UQCC1: variants seen among roughly 807,000 people sequenced by gnomAD.
UQCC1 encodes the protein bFGF-repressed Zic-binding protein.
In UQCC1, 38 loss-of-function variants were observed where a neutral mutation model predicts 48.0. The ratio of observed to expected loss-of-function variants is 0.79; its 90% CI spans 0.61 to 1.04. UQCC1 has a LOEUF of 1.04. UQCC1 is among the 50% of genes least tolerant of loss of function. The probability of loss-of-function intolerance (pLI) is 0.00; values close to 1 mark genes in which losing one functional copy is unlikely to be tolerated. For synonymous variants in UQCC1, 111 were observed against 129.2 expected (o/e 0.86, Z 0.95); for missense variants, 368 against 381.8 (o/e 0.96, Z 0.30).
intron 7 of UQCC1, among the ~76,000 whole-genome samples, chr20:35,321,283 TGCGCGCGCGCGC>T (rs60488465): frequency 7.1e-6 from 1 of 141,536 alleles, no homozygotes; most frequent in African/African-American, 2.9e-5. Context: ...TGTGTGTGTG[TGCGCGCGCGCGC>T]GCGCACGCTC....
chr20:35,355,453 T>C (rs2061536465), intron 6 of UQCC1, among the ~76,000 whole-genome samples: 1 of 152,192 alleles, frequency 6.6e-6, no homozygotes, highest in Non-Finnish European at 1.5e-5. Context: ...GAATCGAATT[T>C]ACTAGGTAGT....
intron 6 of UQCC1, among the ~76,000 whole-genome samples, chr20:35,351,797 C>T (rs1227190564): frequency 6.6e-6 from 1 of 152,172 alleles, no homozygotes; most frequent in African/African-American, 2.4e-5. Context: ...TGTTCTATAG[C>T]CCTTACAGAT....
chr20:35,375,400 T>C (rs2061784457), intron 4 of UQCC1, among the ~76,000 whole-genome samples: 1 of 152,190 alleles, frequency 6.6e-6, no homozygotes, highest in Non-Finnish European at 1.5e-5. Context: ...TTTTATTTGC[T>C]AACTTGAGAT....
intron 1 of UQCC1, among the ~76,000 whole-genome samples, chr20:35,408,009 T>C (rs922841514): frequency 5.3e-5 from 8 of 150,696 alleles, no homozygotes; most frequent in Non-Finnish European, 1.0e-4. Context: ...GCAACACGCG[T>C]GAAACTCTGT....
intron 7 of UQCC1, among the ~76,000 whole-genome samples, chr20:35,321,299 C>CAA (rs1212847428): frequency 1.3e-5 from 2 of 151,426 alleles, no homozygotes; most frequent in Non-Finnish European, 2.9e-5. Flanking sequence ...CGCGCGCGCG[C>CAA]ACGCTCAGGC....
chr20:35,330,202 T>C (rs1270248080), intron 7 of UQCC1, among the ~76,000 whole-genome samples: 2 of 152,232 alleles, frequency 1.3e-5, no homozygotes, highest in Non-Finnish European at 2.9e-5. Flanking sequence ...GTAGTGGCTC[T>C]AGAGAACAGC....
chr20:35,309,420 G>A (rs1248615498), intron 8 of UQCC1, among the ~76,000 whole-genome samples: 1 of 151,522 alleles, frequency 6.6e-6, no homozygotes, highest in African/African-American at 2.4e-5. Flanking sequence ...GCAACAGAGT[G>A]AGACCCTGTC....
chr20:35,378,010 A>G (rs2061822956), intron 4 of UQCC1, among the ~76,000 whole-genome samples: 1 of 152,212 alleles, frequency 6.6e-6, no homozygotes, highest in South Asian at 2.1e-4. Flanking sequence ...AAAGACTATC[A>G]CACAGAGACT....
rs201411360 is a variant in UQCC1 at position 35,322,840 on chromosome 20, TA to T, written c.574-8076del. On this transcript the variant is annotated intron_variant, in intron 7 of 9. Coordinates refer to ENST00000374385, the MANE Select transcript of UQCC1 (RefSeq NM_018244.5). ...ACTTTTAACTCAGATGGTCAGTCTC[TA>T]AATCTACTGTCTTTTCTTTTTTTTG... 2.6e-3 allele frequency among the ~76,000 whole-genome samples: 394 copies of T among 152,272 alleles called. 5 individuals carry two copies. The East Asian group carries it at 0.037, about 14-fold the overall frequency.
chr20:35,340,915 C>T (rs189445246), intron 7 of UQCC1, among the ~76,000 whole-genome samples: 5 of 152,014 alleles, frequency 3.3e-5, no homozygotes, highest in Admixed American at 2.0e-4. Context: ...AAATGTAATG[C>T]CTTTGTTAGT....
chr20:35,410,447 G>C (rs2062332283), intron 1 of UQCC1, among the ~76,000 whole-genome samples: 1 of 151,138 alleles, frequency 6.6e-6, no homozygotes, highest in African/African-American at 2.4e-5. Flanking sequence ...CAGGAGAACT[G>C]CTTGAACCCA....
chr20:35,410,716 A>AAAAC lies in UQCC1; in HGVS notation c.24+1223_24+1224insGTTT, dbSNP rs1555820306. 4.6e-5 allele frequency among the ~76,000 whole-genome samples: 5 copies of AAAAC among 108,732 alleles called. 2 individuals are homozygous for AAAAC. Among genetic ancestry groups the AAAAC allele is most frequent in the Non-Finnish European group, 9.0e-5 (5 of 55,824 alleles). 71.3% of individuals were successfully genotyped at this position (108,732 alleles called of 152,430 possible). On this transcript the variant is annotated intron_variant, in intron 1 of 9. Transcript: ENST00000374385. ...CAAGACTCTGCCTCAAAAAAAAAAAAAAAAAAAACAAAACCCTAAAGGGTG... is the reference window on the plus strand; with the variant it reads ...CAAGACTCTGCCTCAAAAAAAAAAAAAAACAAAAAAAACAAAACCCTAAAGGGTG...
Position 35,376,969 on chromosome 20 carries a change from A to AAAAC in UQCC1, c.334-2714_334-2713insGTTT, listed in dbSNP as rs1491381150. 1.3e-3 allele frequency among the ~76,000 whole-genome samples: 48 copies of AAAAC among 36,412 alleles called. No individual in the cohort carries two copies. In the South Asian group the frequency reaches 0.029, roughly 22 times the overall value. The allele number at this position is 36,412 out of a possible 152,430, so 23.9% of individuals were successfully genotyped here. A position where few individuals can be genotyped will look rare whatever the true frequency, so the allele number is the denominator to read the frequency against. On this transcript the variant is annotated intron_variant, in intron 4 of 9. Transcript: ENST00000374385. Reference sequence around the variant, plus strand: ...ATCTCAAAACAAAACAAAACAAAACAAAAAAAAAAAGAAAAAGAAAAGGAA... The same window carrying AAAAC: ...ATCTCAAAACAAAACAAAACAAAACAAAACAAAAAAAAAAGAAAAAGAAAAGGAA...
At chr20:35,326,001 A>G (rs1445932722) in intron 7 of UQCC1, among the ~76,000 whole-genome samples, 1 of 152,184 alleles carries the variant, frequency 6.6e-6, no homozygotes, top group Non-Finnish European at 1.5e-5. Flanking sequence ...AAGAACAAGG[A>G]AGGGGTTTAA....
At chr20:35,407,949 G>A (rs967769910) in intron 1 of UQCC1, among the ~76,000 whole-genome samples, 3 of 152,156 alleles carry the variant, frequency 2.0e-5, no homozygotes, top group Non-Finnish European at 4.4e-5. Context: ...TTGAACTCAG[G>A]AGGCAGAGGT....
At chr20:35,337,555 T>C (rs2061328609) in intron 7 of UQCC1, among the ~76,000 whole-genome samples, 1 of 152,182 alleles carries the variant, frequency 6.6e-6, no homozygotes, top group Non-Finnish European at 1.5e-5. Context: ...CACTTTTAGA[T>C]CTCTGGATCA....
chr20:35,316,865 C>G (rs1470860511), intron 7 of UQCC1, among the ~76,000 whole-genome samples: 1 of 152,038 alleles, frequency 6.6e-6, no homozygotes, highest in Non-Finnish European at 1.5e-5. Context: ...GTCTCGATCT[C>G]CTGACCTCGT....
At chr20:35,384,547 T>A in intron 2 of UQCC1, 5 of 404,150 alleles carry the variant, frequency 1.2e-5, no homozygotes, top group Admixed American at 3.1e-5. Context: ...GAGGCTGAGG[T>A]GGGAGGATCA....
chr20:35,341,619 A>G (rs2061379725), intron 7 of UQCC1, among the ~76,000 whole-genome samples: 1 of 152,214 alleles, frequency 6.6e-6, no homozygotes, highest in Admixed American at 6.5e-5. Context: ...ACATAAGTGA[A>G]TAACAGTGAT....
Sources: gnomAD v4.1 joint callset for allele counts (sites outside exome capture counted in the v4.1 genomes callset) on GRCh38, gnomAD v4.1.1 for gene constraint, MANE v1.5 for transcripts, NCBI Gene and HGNC (gene_info 2026-07-23, HGNC 2026-07-21) for gene names.